The following NCKAP1L variants were observed in gnomAD, a reference collection of about 807,000 sequenced individuals.
NCKAP1L encodes the protein nck-associated protein 1-like.
A neutral mutation model predicts 139.2 loss-of-function variants in NCKAP1L; 53 were observed. The ratio of observed to expected loss-of-function variants is 0.38; its 90% CI spans 0.31 to 0.48. The LOEUF is 0.48. Among genes scored for constraint, NCKAP1L ranks in the 20% least tolerant of loss-of-function variants. NCKAP1L has a pLI of 0.98. For synonymous variants in NCKAP1L, 468 were observed against 499.7 expected (o/e 0.94, Z 0.85); for missense variants, 1,151 against 1,381.9 (o/e 0.83, Z 2.65).
At chr12:54,506,796 A>ATATATATATATATATATAT (rs1555170865) in intron 3 of NCKAP1L, among the ~76,000 whole-genome samples, 98 of 50,560 alleles carry the variant, frequency 1.9e-3, no homozygotes, top group Admixed American at 2.4e-3. Flanking sequence ...AAAAAAAAAA[A>ATATATATATATATATATAT]ATATATATAT....
chr12:54,539,084 T>A (rs538094203), intron 30 of NCKAP1L, 111 bp downstream of exon 30: 4 of 851,878 alleles, frequency 4.7e-6, no homozygotes, highest in African/African-American at 1.7e-5. Flanking sequence ...AAGCATTAAC[T>A]AAGGACTTAA....
In NCKAP1L at chr12:54,531,537, A is replaced by G. The variant is rs1302831135; in HGVS notation, c.2651A>G (p.Asn884Ser). ...GACATACTTGTTCAGATCAGATCCA[A>G]CTTTAGCAAGCCGGACTTGATGGCT... The part of the protein sequence containing the change: ...NMDILVQIRS[N>S]FSKPDLMASL... The change falls in exon 24 of 31, where the codon AAC becomes AGC. Residue 884 changes from asparagine (N) to serine (S), a missense_variant. Coordinates refer to ENST00000293373, the MANE Select transcript of NCKAP1L (RefSeq NM_005337.5). 1 of 1,614,208 alleles carries G rather than the reference A, an allele frequency of 6.2e-7. No individual in the cohort carries two copies. Among genetic ancestry groups the G allele is most frequent in the Non-Finnish European group, 8.5e-7 (1 of 1,180,040 alleles).
At chr12:54,504,423 A>T (rs187414465) in intron 3 of NCKAP1L, among the ~76,000 whole-genome samples, 1 of 152,308 alleles carries the variant, frequency 6.6e-6, no homozygotes, top group African/African-American at 2.4e-5. Flanking sequence ...AATTGAGAGT[A>T]GTGGTTAGCA....
At chr12:54,536,527 G>C (rs1001906625) in intron 28 of NCKAP1L, 8 of 344,008 alleles carry the variant, frequency 2.3e-5, no homozygotes, top group Admixed American at 4.4e-5. Flanking sequence ...AGCTGGGCAG[G>C]GTGGCCTGTA....
chr12:54,514,725 T>C (rs1049904379), intron 9 of NCKAP1L, among the ~76,000 whole-genome samples: 6 of 152,212 alleles, frequency 3.9e-5, no homozygotes, highest in Admixed American at 6.5e-5. Context: ...CAAATTGTGC[T>C]CTAACCAGTT....
chr12:54,510,371 T>G (rs920187232), intron 7 of NCKAP1L: 8 of 429,692 alleles, frequency 1.9e-5, no homozygotes, highest in Non-Finnish European at 3.2e-5. Context: ...TCACCCAGGC[T>G]GGAGTACACT....
chr12:54,525,410 A>C (rs1489248459), intron 20 of NCKAP1L, among the ~76,000 whole-genome samples: 1 of 152,206 alleles, frequency 6.6e-6, no homozygotes, highest in African/African-American at 2.4e-5. Context: ...TAAGGAAGAA[A>C]GTGTCTCAGT....
chr12:54,535,238 C>A, intron 27 of NCKAP1L, 41 bp downstream of exon 27: 1 of 1,480,878 alleles, frequency 6.8e-7, no homozygotes, highest in South Asian at 1.1e-5. Context: ...GAAAGGAGGG[C>A]TTGGGCCTTA....
intron 22 of NCKAP1L, among the ~76,000 whole-genome samples, chr12:54,530,218 C>T (rs1471883929): frequency 2.0e-5 from 3 of 152,190 alleles, no homozygotes; most frequent in Non-Finnish European, 2.9e-5. Flanking sequence ...TTAAACTTGC[C>T]TTTCTTCTAC....
intron 3 of NCKAP1L, among the ~76,000 whole-genome samples, chr12:54,504,956 T>C (rs1418294124): frequency 6.6e-6 from 1 of 152,228 alleles, no homozygotes; most frequent in African/African-American, 2.4e-5. Context: ...TTCAGCTATA[T>C]TCCACTGGAA....
chr12:54,499,449 A>C lies in NCKAP1L; in HGVS notation c.197A>C (p.Asp66Ala). The C allele has an allele frequency of 6.3e-7, 1 of 1,587,858 alleles. No individual in the cohort carries two copies. The highest frequency in any genetic ancestry group is 8.6e-7 in the Non-Finnish European group (1 of 1,156,152). ...KYINKKFPNI[D>A]VRNSTQHLGP... is the part of the protein sequence containing the mutation. ...ATCAACAAGAAATTTCCCAACATAG[A>C]TGTCCGAAACAGCACGGTGAGAACT... The change falls in exon 2 of 31, where the codon GAT (aspartate) becomes GCT (alanine). Residue 66 changes from aspartate to alanine, a missense_variant. By Grantham distance (126) the Asp-to-Ala change is moderately radical. Transcript: ENST00000293373.
chr12:54,517,970 T>A, intron 13 of NCKAP1L, 32 bp downstream of exon 13: 1 of 1,612,020 alleles, frequency 6.2e-7, no homozygotes, highest in South Asian at 1.1e-5. Flanking sequence ...ACTTTGGAAA[T>A]TTCAGGATGA....
rs1956871166 is a variant in NCKAP1L at position 54,509,659 on chromosome 12, T to C, written c.507-10T>C. 6.2e-7 allele frequency: 1 copy of C among 1,606,064 alleles called. No homozygotes were observed. Among genetic ancestry groups the C allele is most frequent in the Non-Finnish European group, 8.5e-7 (1 of 1,172,726 alleles). On this transcript the variant is annotated splice_polypyrimidine_tract_variant and intron_variant, in intron 5 of 30. Transcript: ENST00000293373. ...GAGGGCTGTAACCCCTCTCCTCTGCTTTCTTCTAGTGACCCCAGTTTTGCC... is the reference window on the plus strand; with the variant it reads ...GAGGGCTGTAACCCCTCTCCTCTGCCTTCTTCTAGTGACCCCAGTTTTGCC...
chr12:54,539,603 T>G (rs1957141771), intron 30 of NCKAP1L, among the ~76,000 whole-genome samples: 1 of 152,236 alleles, frequency 6.6e-6, no homozygotes, highest in South Asian at 2.1e-4. Context: ...TGTTTCCCTC[T>G]TCAACACTCT....
chr12:54,520,775 C>T lies in NCKAP1L; in HGVS notation c.1707C>T (p.Pro569=), dbSNP rs1230982705. Residue 569 remains proline (P), a synonymous_variant, in exon 17 of 31, where the codon CCC becomes CCT. Transcript: ENST00000293373. ...TGTTGCGTTATGCCATTGCTTTCCC[C>T]CTGATTTGTGCTCACTTTGTCCACT... ...SAMLRYAIAF[P]LICAHFVHCT... The T allele has an allele frequency of 6.2e-7, 1 of 1,614,094 alleles. No individual in the cohort carries two copies. Among genetic ancestry groups the T allele is most frequent in the African/African-American group, 1.3e-5 (1 of 75,012 alleles).
chr12:54,499,556 G>T lies in NCKAP1L; in HGVS notation c.213+91G>T, dbSNP rs557130024. 3.5e-5 allele frequency: 27 copies of T among 769,494 alleles called. No homozygotes were observed. In the African/African-American group the frequency reaches 4.4e-4, roughly 12 times the overall value. The allele number at this position is 769,494 out of a possible 1,614,324, so 47.7% of individuals were successfully genotyped here. A position where few individuals can be genotyped will look rare whatever the true frequency, so the allele number is the denominator to read the frequency against. ...CTTTTGATGCCTCTCTTCAAACTTGGCAGGGGATGGAGTAGTCTTTTTTTA... is the reference window on the plus strand; with the variant it reads ...CTTTTGATGCCTCTCTTCAAACTTGTCAGGGGATGGAGTAGTCTTTTTTTA... On this transcript the variant is annotated intron_variant, in intron 2 of 30. Transcript: ENST00000293373.
intron 18 of NCKAP1L, among the ~76,000 whole-genome samples, chr12:54,521,571 A>G (rs1956983860): frequency 6.6e-6 from 1 of 152,118 alleles, no homozygotes; most frequent in Non-Finnish European, 1.5e-5. Context: ...TACACATACT[A>G]AGGACAGTGG....
Position 54,516,944 on chromosome 12 carries a change from G to A in NCKAP1L, c.1047G>A (p.Lys349=), listed in dbSNP as rs151306444. The change falls in exon 11 of 31, where the codon AAG becomes AAA. Residue 349 remains lysine, a synonymous_variant. Coordinates refer to ENST00000293373, the MANE Select transcript of NCKAP1L (RefSeq NM_005337.5). ...QRRQFLRMAV[K]ELETVLADEP... is the part of the protein sequence containing the mutation. ...GGCAATTTCTGCGGATGGCAGTGAAGGAGCTGGAGACTGTGTTGGCTGATG... is the reference window on the plus strand; with the variant it reads ...GGCAATTTCTGCGGATGGCAGTGAAAGAGCTGGAGACTGTGTTGGCTGATG... The A allele has an allele frequency of 1.8e-5, 29 of 1,612,880 alleles. No individual in the cohort carries two copies. The African/African-American group carries it at 3.7e-4, about 21-fold the overall frequency.
At chr12:54,536,098 T>C in intron 27 of NCKAP1L, 31 bp from the exon 28 acceptor site, 1 of 1,513,598 alleles carries the variant, frequency 6.6e-7, no homozygotes, top group Non-Finnish European at 9.2e-7. Flanking sequence ...CTTTATTCAC[T>C]TTTCCTCTTT....
Sources: allele counts gnomAD v4.1 joint callset (sites outside exome capture counted in the v4.1 genomes callset), GRCh38; gene constraint gnomAD v4.1.1; transcripts MANE v1.5; gene names NCBI Gene and HGNC (gene_info 2026-07-23, HGNC 2026-07-21).